PLCE1: variants seen among roughly 807,000 people sequenced by gnomAD.
The protein encoded by PLCE1 is phospholipase C epsilon 1.
Under a neutral mutation model 242.8 loss-of-function variants are expected in PLCE1, and 119 were observed. That is an observed-to-expected ratio of 0.49 (90% confidence interval 0.42 to 0.57). The LOEUF is 0.57. Ranked by LOEUF, PLCE1 falls within the 20% of genes least tolerant of loss-of-function variation. The probability of loss-of-function intolerance (pLI) is 0.00; values close to 1 mark genes in which losing one functional copy is unlikely to be tolerated. For synonymous variants in PLCE1, 945 were observed against 1,017.4 expected (o/e 0.93, Z 1.35); for missense variants, 2,441 against 2,788.8 (o/e 0.88, Z 2.81).
intron 1 of PLCE1, among the ~76,000 whole-genome samples, chr10:94,002,919 T>G (rs1263627801): frequency 6.6e-6 from 1 of 152,234 alleles, no homozygotes. Context: ...TCAGAAAATA[T>G]GATTAAGTAT....
chr10:94,179,512 G>GTTTTTTTTTGTTTTTTGTTTTTTT (rs750384818), intron 4 of PLCE1, among the ~76,000 whole-genome samples: 5 of 19,398 alleles, frequency 2.6e-4, no homozygotes, highest in African/African-American at 6.4e-4. Context: ...TTTTAGTTTA[G>GTTTTTTTTTGTTTTTTGTTTTTTT]TTTTTTTTTT....
intron 4 of PLCE1, among the ~76,000 whole-genome samples, chr10:94,201,642 A>T (rs2048989870): frequency 6.6e-6 from 1 of 151,808 alleles, no homozygotes; most frequent in Non-Finnish European, 1.5e-5. Context: ...AGCCCGGCTA[A>T]TTTTTTTTGG....
chr10:94,265,048 A>T (rs1307768622), intron 14 of PLCE1, among the ~76,000 whole-genome samples: 2 of 152,226 alleles, frequency 1.3e-5, no homozygotes, highest in African/African-American at 4.8e-5. Context: ...TTAGGAAGCT[A>T]TCATAGTAAC....
At chr10:94,211,530 T>G (rs1050063278) in intron 4 of PLCE1, among the ~76,000 whole-genome samples, 1 of 152,242 alleles carries the variant, frequency 6.6e-6, no homozygotes, top group African/African-American at 2.4e-5. Context: ...TACAGTCCAT[T>G]GATTTATTCG....
intron 1 of PLCE1, among the ~76,000 whole-genome samples, chr10:94,018,119 G>T (rs2061313206): frequency 6.6e-6 from 1 of 152,176 alleles, no homozygotes; most frequent in Non-Finnish European, 1.5e-5. Context: ...GCAAATAGGT[G>T]TGCTGATGTT....
chr10:94,324,703 GCTTT>G, intron 31 of PLCE1, 136 bp downstream of exon 31: 1 of 1,006,328 alleles, frequency 9.9e-7, no homozygotes, highest in South Asian at 1.3e-5. Flanking sequence ...AAATTGTTTG[GCTTT>G]GTTTTCACTG....
At chr10:94,090,819 A>G (rs1564677963) in intron 2 of PLCE1, among the ~76,000 whole-genome samples, 1 of 152,254 alleles carries the variant, frequency 6.6e-6, no homozygotes, top group African/African-American at 2.4e-5. Context: ...TTAATCTAGC[A>G]TTTTAACCAT....
intron 2 of PLCE1, among the ~76,000 whole-genome samples, chr10:94,091,857 A>G (rs1284129945): frequency 6.6e-6 from 1 of 151,514 alleles, no homozygotes; most frequent in Non-Finnish European, 1.5e-5. Flanking sequence ...TGGCCAAGCT[A>G]AAAAAAAATC....
At chr10:94,206,507 G>C (rs943427998) in intron 4 of PLCE1, among the ~76,000 whole-genome samples, 2 of 152,226 alleles carry the variant, frequency 1.3e-5, no homozygotes, top group African/African-American at 4.8e-5. Context: ...CAGCCCAGTT[G>C]ATATGCGTAG....
chr10:94,298,931 C>T lies in PLCE1; in HGVS notation c.5458+262C>T, dbSNP rs1338228939. On this transcript the variant is annotated intron_variant, in intron 24 of 32. Coordinates refer to ENST00000371380, the MANE Select transcript of PLCE1 (RefSeq NM_016341.4). This position sits in a 1 kb window ranked among gnomAD's most constrained non-coding sequence, Gnocchi z 5.2. ...TTTTTTAATGCAGTTTTTCAAATAC[C>T]AAGCTGCTCTTGACAAAGCCATGCC... is the stretch of plus-strand genomic sequence containing the variant. 6.6e-6 allele frequency among the ~76,000 whole-genome samples: 1 copy of T among 152,068 alleles called. No homozygotes were observed. Among genetic ancestry groups the T allele is most frequent in the East Asian group, 1.9e-4 (1 of 5,192 alleles).
intron 19 of PLCE1, among the ~76,000 whole-genome samples, chr10:94,278,214 A>C (rs1370847042): frequency 6.6e-6 from 1 of 152,220 alleles, no homozygotes; most frequent in Non-Finnish European, 1.5e-5. Flanking sequence ...GGTCAAACAC[A>C]ACTGTATTAC....
Position 94,132,313 on chromosome 10 carries a change from CTGTA to C in PLCE1, c.1350_1353del (p.Cys451SerfsTer20). 2 of 1,614,056 alleles carry C rather than the reference CTGTA, an allele frequency of 1.2e-6. No homozygotes were observed. Among genetic ancestry groups the C allele is most frequent in the Non-Finnish European group, 1.7e-6 (2 of 1,179,996 alleles). Reference sequence around the variant, plus strand: ...TGCTTAAAGCAATGTGTCCGAGACACTGTATGTGAGTATCGCGCCACCCTCCAAA... The same window carrying C: ...TGCTTAAAGCAATGTGTCCGAGACACTGTGAGTATCGCGCCACCCTCCAAA... On this transcript the variant is annotated frameshift_variant, in exon 3 of 33. Coordinates refer to ENST00000371380, the MANE Select transcript of PLCE1 (RefSeq NM_016341.4). LOFTEE classifies it high-confidence loss of function.
chr10:94,038,331 T>G (rs1402883765), intron 2 of PLCE1, among the ~76,000 whole-genome samples: 1 of 152,170 alleles, frequency 6.6e-6, no homozygotes, highest in African/African-American at 2.4e-5. Context: ...AAGCTGTTCT[T>G]AGACAGCGGT....
chr10:94,234,282 G>A lies in PLCE1; in HGVS notation c.2184G>A (p.Pro728=), dbSNP rs760049549. Residue 728 remains proline (P), a synonymous_variant, in exon 6 of 33, where the codon CCG becomes CCA. Transcript: ENST00000371380. ...CCTCCGGTCTCATGAAGCTTTGCCC[G>A]CGGTACAATTCCCAAGAAGAAACTT... ...DGASGLMKLC[P]RYNSQEETLE... The A allele has an allele frequency of 7.6e-5, 122 of 1,613,970 alleles. No homozygotes were observed. Among genetic ancestry groups the A allele is most frequent in the Non-Finnish European group, 9.4e-5 (111 of 1,180,002 alleles).
Position 94,031,382 on chromosome 10 carries a change from C to T in PLCE1, c.336C>T (p.Asn112=). The part of the protein sequence containing the change: ...LNINCNNILR[N]HQHGLPQRQF... ...TTAACTGCAACAACATATTGAGAAA[C>T]CATCAGCATGGCCTTCCTCAGAGAC... The change falls in exon 2 of 33, where the codon AAC becomes AAT. Residue 112 remains asparagine, a synonymous_variant. Coordinates refer to ENST00000371380, the MANE Select transcript of PLCE1 (RefSeq NM_016341.4). 3.7e-6 allele frequency: 6 copies of T among 1,613,868 alleles called. No individual in the cohort carries two copies. Among genetic ancestry groups the T allele is most frequent in the South Asian group, 3.3e-5 (3 of 91,076 alleles).
chr10:94,031,957 C>A lies in PLCE1; in HGVS notation c.911C>A (p.Pro304His), dbSNP rs760662146. 6.2e-7 allele frequency: 1 copy of A among 1,613,726 alleles called. No homozygotes were observed. The highest frequency in any genetic ancestry group is 1.1e-5 in the South Asian group (1 of 91,068). ...KTFLSHFEDF[P>H]DNCDDVEEDA... Reference sequence around the variant, plus strand: ...TTTTTGAGCCATTTTGAGGACTTCCCTGATAATTGTGATGATGTAGAAGAA... The same window carrying A: ...TTTTTGAGCCATTTTGAGGACTTCCATGATAATTGTGATGATGTAGAAGAA... Residue 304 changes from proline to histidine, a missense_variant, in exon 2 of 33, where the codon CCT (proline) becomes CAT (histidine). This residue lies in a region of PLCE1 where 393 missense variants were observed against 378.5 expected (regional missense o/e 1.04). Coordinates refer to ENST00000371380, the MANE Select transcript of PLCE1 (RefSeq NM_016341.4).
intron 2 of PLCE1, among the ~76,000 whole-genome samples, chr10:94,063,659 G>T (rs2044122321): frequency 6.6e-6 from 1 of 152,110 alleles, no homozygotes; most frequent in African/African-American, 2.4e-5. Flanking sequence ...AACACGATGT[G>T]GTTCTTCTCT....
chr10:94,182,304 T>A (rs1476413349), intron 4 of PLCE1, among the ~76,000 whole-genome samples: 1 of 152,142 alleles, frequency 6.6e-6, no homozygotes, highest in Non-Finnish European at 1.5e-5. Context: ...AGTCTGACTG[T>A]CACCCAGGCT....
intron 16 of PLCE1, 102 bp from the exon 17 acceptor site, chr10:94,268,827 G>T: frequency 1.4e-6 from 1 of 738,170 alleles, no homozygotes. Flanking sequence ...CTTTAGTCCT[G>T]AGTGTAAACA....
Sources: gnomAD v4.1 joint callset for allele counts (sites outside exome capture counted in the v4.1 genomes callset) on GRCh38, gnomAD v4.1.1 for gene constraint, gnomAD v4.1.1 regional missense constraint, Gnocchi (gnomAD v3.1) non-coding constraint, MANE v1.5 for transcripts, NCBI Gene and HGNC (gene_info 2026-07-23, HGNC 2026-07-21) for gene names.